RGS11: variants seen among roughly 807,000 people sequenced by gnomAD.
RGS11 encodes regulator of G-protein signaling 11.
Under a neutral mutation model 71.1 loss-of-function variants are expected in RGS11, and 86 were observed. The observed-to-expected ratio is 1.21, with a 90% CI of 1.02 to 1.45. The LOEUF (loss-of-function observed/expected upper bound fraction) is 1.45, where lower values mean the gene tolerates loss of function less well. Among genes scored for constraint, RGS11 ranks in the 40% most tolerant of loss-of-function variants. RGS11 has a pLI of 0.00. For synonymous variants in RGS11, 298 were observed against 254.2 expected (o/e 1.17, Z -1.64); for missense variants, 734 against 635.1 (o/e 1.16, Z -1.67).
Position 275,646 on chromosome 16 carries a change from GCGGGC to G in RGS11, c.64-153_64-149del, listed in dbSNP as rs1214132963. 720 of 713,680 alleles carry G rather than the reference GCGGGC, an allele frequency of 1.0e-3. 4 individuals carry two copies. The African/African-American group carries it at 0.015, about 15-fold the overall frequency. 44.2% of individuals were successfully genotyped at this position (713,680 alleles called of 1,614,324 possible). On this transcript the variant is annotated intron_variant, in intron 1 of 16. Coordinates refer to ENST00000397770, the MANE Select transcript of RGS11 (RefSeq NM_183337.3). Reference sequence around the variant, plus strand: ...CCGCAGCTGGCGGCGGGGACGCGGGGCGGGCCGGGGAGGGCCGGGGAGGGCCGGGG... The same window carrying G: ...CCGCAGCTGGCGGCGGGGACGCGGGGCGGGGAGGGCCGGGGAGGGCCGGGG...
intron 15 of RGS11, among the ~76,000 whole-genome samples, chr16:270,268 T>C (rs1567234792): frequency 7.5e-6 from 1 of 133,306 alleles, no homozygotes; most frequent in Non-Finnish European, 1.5e-5. Context: ...AAAACAAAAC[T>C]TTTTAGATCG....
In RGS11 at chr16:270,743, C is replaced by G. The variant is rs547290182; in HGVS notation, c.1067+1G>C. The G allele has an allele frequency of 5.6e-6, 9 of 1,612,364 alleles. No homozygotes were observed. In the East Asian group the frequency reaches 6.7e-5, roughly 12 times the overall value. On this transcript the variant is annotated splice_donor_variant, in intron 14 of 16. Transcript: ENST00000397770. LOFTEE classifies it high-confidence loss of function. ...ACCGGTGCCCACCACGCAGCACTTACTCGTACACGGCATCCACCAGGGTGG... is the reference window on the plus strand; with the variant it reads ...ACCGGTGCCCACCACGCAGCACTTAGTCGTACACGGCATCCACCAGGGTGG...
At chr16:275,587 C>T in intron 1 of RGS11, 89 bp from the exon 2 acceptor site, 2 of 1,132,238 alleles carry the variant, frequency 1.8e-6, no homozygotes, top group East Asian at 5.6e-5. Context: ...TCCGGGAGCG[C>T]GGAGATTAAC....
rs774058245 is a variant in RGS11, at chr16:269,383, G to A, written c.1290C>T (p.Arg430=). The A allele has an allele frequency of 4.7e-5, 75 of 1,599,314 alleles. No homozygotes were observed. In the East Asian group the frequency reaches 1.4e-3, roughly 30 times the overall value. Residue 430 remains arginine (R), a splice_region_variant and synonymous_variant, in exon 17 of 17, where the codon CGC becomes CGT. Transcript: ENST00000397770. ...EAGIPLEMKR[R]VFPFTWRPRH... ...GTGGCCTCCACGTAAACGGGAACAC[G>A]CTGTGGGCGAGAAGGCGGCTGAGAA...
chr16:275,105 G>T, intron 3 of RGS11, 23 bp from the exon 4 acceptor site: 1 of 1,479,092 alleles, frequency 6.8e-7, no homozygotes, highest in Non-Finnish European at 9.0e-7. Context: ...GGGACGGTGA[G>T]CGCGGGGCCG....
rs2052103860 is a variant in RGS11 at position 275,017 on chromosome 16, TA to T, written c.276del (p.Ser93AlafsTer23). The T allele has an allele frequency of 6.6e-7, 1 of 1,520,706 alleles. No homozygotes were observed. Among genetic ancestry groups the T allele is most frequent in the East Asian group, 2.4e-5 (1 of 41,476 alleles). 94.2% of individuals were successfully genotyped at this position (1,520,706 alleles called of 1,614,324 possible). A position where few individuals can be genotyped will look rare whatever the true frequency, so the allele number is the denominator to read the frequency against. On this transcript the variant is annotated frameshift_variant, in exon 4 of 17. Transcript: ENST00000397770. LOFTEE classifies it high-confidence loss of function. ...HGYIYPLRDP[R>X]SLMLRPDETP... ...GTCTCGTCTGGCCGGAGCATGAGGC[TA>T]CGGGGGTCGCGCAGCGGGTAGATGT...
intron 4 of RGS11, 103 bp from the exon 5 acceptor site, chr16:274,368 G>C (rs1252352952): frequency 8.0e-7 from 1 of 1,250,612 alleles, no homozygotes; most frequent in African/African-American, 1.5e-5. Context: ...GGCTGGGCAG[G>C]AGGTGTCTGA....
At position 269,030 on chromosome 16, in the gene RGS11, G is replaced by T; in HGVS notation, c.*239C>A. 1 of 1,302,980 alleles carries T rather than the reference G, an allele frequency of 7.7e-7. No individual in the cohort carries two copies. The highest frequency in any genetic ancestry group is 1.1e-6 in the Non-Finnish European group (1 of 921,808). 80.7% of individuals were successfully genotyped at this position (1,302,980 alleles called of 1,614,324 possible). On this transcript the variant is annotated 3_prime_UTR_variant, in exon 17 of 17. Coordinates refer to ENST00000397770, the MANE Select transcript of RGS11 (RefSeq NM_183337.3). Reference sequence around the variant, plus strand: ...GGTAACAGGCTCTGCCCTGACCCAAGCTGAGCCAATGAACCCCCTCCCTGG... The same window carrying T: ...GGTAACAGGCTCTGCCCTGACCCAATCTGAGCCAATGAACCCCCTCCCTGG...
Position 275,329 on chromosome 16 carries a change from G to A in RGS11, c.165C>T (p.Ser55=), listed in dbSNP as rs1479645724. The A allele has an allele frequency of 1.9e-6, 3 of 1,612,298 alleles. No homozygotes were observed. Among genetic ancestry groups the A allele is most frequent in the Admixed American group, 3.3e-5 (2 of 60,018 alleles). The change falls in exon 3 of 17, where the codon AGC becomes AGT. Residue 55 remains serine (S), a synonymous_variant. Transcript: ENST00000397770. ...TCTGGGCCAACCACTGCACGACGTCGCTGCCTGCACGGGAGAGACAGAGGT... is the reference window on the plus strand; with the variant it reads ...TCTGGGCCAACCACTGCACGACGTCACTGCCTGCACGGGAGAGACAGAGGT... ...VTVIPHAVTG[S]DVVQWLAQKF... is the part of the protein sequence containing the mutation.
At chr16:269,826 T>C in intron 15 of RGS11, 1 of 500,652 alleles carries the variant, frequency 2.0e-6, no homozygotes, top group Non-Finnish European at 3.6e-6. Context: ...TGGCCACGTG[T>C]AGAGGAATAA....
rs1339581612 is a variant in RGS11 at position 269,036 on chromosome 16, C to T, written c.*233G>A. On this transcript the variant is annotated 3_prime_UTR_variant, in exon 17 of 17. Transcript: ENST00000397770. ...AGGCTCTGCCCTGACCCAAGCTGAG[C>T]CAATGAACCCCCTCCCTGGGAATCC... The T allele has an allele frequency of 8.3e-7, 1 of 1,200,316 alleles. No homozygotes were observed. Among genetic ancestry groups the T allele is most frequent in the South Asian group, 1.3e-5 (1 of 76,624 alleles). 74.4% of individuals were successfully genotyped at this position (1,200,316 alleles called of 1,614,324 possible).
chr16:268,446 C>G lies in RGS11; in HGVS notation c.*823G>C. 1 of 403,794 alleles carries G rather than the reference C, an allele frequency of 2.5e-6. No individual in the cohort carries two copies. The highest frequency in any genetic ancestry group is 4.6e-6 in the Non-Finnish European group (1 of 216,914). 25.0% of individuals were successfully genotyped at this position (403,794 alleles called of 1,614,324 possible). On this transcript the variant is annotated 3_prime_UTR_variant, in exon 17 of 17. Transcript: ENST00000397770. ...GTTGAAGCTGCACCCCCGAAAGGAGCCAGCTGTACCTTCACCCAGTCTGGG... is the reference window on the plus strand; with the variant it reads ...GTTGAAGCTGCACCCCCGAAAGGAGGCAGCTGTACCTTCACCCAGTCTGGG...
rs1238920248 is a variant in RGS11, at chr16:271,264, C to A, written c.801G>T (p.Gly267=). ...AGATCCAGGGATTGCTGGGCAGGCA[C>A]CCCGACACGAGGGGATCGTGGGGTC... ...QRGPHDPLVS[G]CLPSNPWISD... is the part of the protein sequence containing the mutation. The change falls in exon 12 of 17, where the codon GGG becomes GGT. Residue 267 remains glycine (G), a synonymous_variant. Transcript: ENST00000397770. The A allele has an allele frequency of 3.1e-6, 5 of 1,612,966 alleles. No homozygotes were observed. Among genetic ancestry groups the A allele is most frequent in the Non-Finnish European group, 4.2e-6 (5 of 1,180,000 alleles).
At chr16:271,501 A>G in intron 10 of RGS11, 39 bp downstream of exon 10, 2 of 1,613,954 alleles carry the variant, frequency 1.2e-6, no homozygotes, top group Non-Finnish European at 8.5e-7. Context: ...GGGCTGGGGA[A>G]GGCACCTGGC....
At position 268,439 on chromosome 16, in the gene RGS11, A is replaced by G; in HGVS notation, c.*830T>C. On this transcript the variant is annotated 3_prime_UTR_variant, in exon 17 of 17. Transcript: ENST00000397770. ...CGAGAGAGTTGAAGCTGCACCCCCGAAAGGAGCCAGCTGTACCTTCACCCA... is the reference window on the plus strand; with the variant it reads ...CGAGAGAGTTGAAGCTGCACCCCCGGAAGGAGCCAGCTGTACCTTCACCCA... 7 of 375,482 alleles carry G rather than the reference A, an allele frequency of 1.9e-5. 2 individuals are homozygous for G. The South Asian group carries it at 2.2e-4, about 12-fold the overall frequency. 23.3% of individuals were successfully genotyped at this position (375,482 alleles called of 1,614,324 possible). A position where few individuals can be genotyped will look rare whatever the true frequency, so the allele number is the denominator to read the frequency against.
At chr16:272,632 A>C in intron 9 of RGS11, 2 of 1,431,638 alleles carry the variant, frequency 1.4e-6, no homozygotes, top group South Asian at 1.4e-5. Flanking sequence ...CGTCCCCACC[A>C]CTCCACTTAC....
At chr16:271,674 C>G (rs1034054116) in intron 9 of RGS11, 105 bp from the exon 10 acceptor site, 1 of 1,142,476 alleles carries the variant, frequency 8.8e-7, no homozygotes, top group South Asian at 1.2e-5. Context: ...CCCCATAGAT[C>G]TGGCAGAGAT....
chr16:270,380 G>A (rs577496680), intron 15 of RGS11, 143 bp downstream of exon 15: 15 of 966,158 alleles, frequency 1.6e-5, no homozygotes, highest in Non-Finnish European at 1.8e-5. Context: ...CGGCCAGGGC[G>A]GCCCCAACCA....
chr16:270,392 G>A, intron 15 of RGS11, 131 bp downstream of exon 15: 1 of 1,124,590 alleles, frequency 8.9e-7, no homozygotes, highest in Non-Finnish European at 1.2e-6. Flanking sequence ...CCCCAACCAG[G>A]TGGGGAAGGT....
Sources: allele counts gnomAD v4.1 joint callset (sites outside exome capture counted in the v4.1 genomes callset), GRCh38; gene constraint gnomAD v4.1.1; transcripts MANE v1.5; gene names NCBI Gene and HGNC (gene_info 2026-07-23, HGNC 2026-07-21).